Variants in RBFOX1 observed in about 807,000 individuals in gnomAD.
RBFOX1 encodes RNA binding protein fox-1 homolog 1.
Under a neutral mutation model 57.7 loss-of-function variants are expected in RBFOX1, and 8 were observed. The observed-to-expected ratio is 0.14, with a 90% CI of 0.08 to 0.25. The LOEUF (loss-of-function observed/expected upper bound fraction) is 0.25. Among genes scored for constraint, RBFOX1 ranks in the 10% least tolerant of loss-of-function variants. RBFOX1 has a pLI of 1.00. For missense variants in RBFOX1, 611 were observed against 548.5 expected, an observed-to-expected ratio of 1.11 and a Z score of -1.14; for synonymous variants, 326 against 222.4, an observed-to-expected ratio of 1.47 and a Z score of -4.15.
At chr16:7,573,510 C>T (rs539824306) in intron 5 of RBFOX1, among the ~76,000 whole-genome samples, 9 of 152,232 alleles carry the variant, frequency 5.9e-5, no homozygotes, top group Admixed American at 2.0e-4. Flanking sequence ...TGGTAATGTC[C>T]ATTCAGGTAG....
chr16:5,253,502 T>A (rs2062508144), intron 1 of RBFOX1, among the ~76,000 whole-genome samples: 1 of 152,160 alleles, frequency 6.6e-6, no homozygotes, highest in African/African-American at 2.4e-5. Flanking sequence ...CATCTAGGAC[T>A]CTGTCCTGGG....
chr16:7,526,683 T>C (rs1824300941), intron 5 of RBFOX1, among the ~76,000 whole-genome samples: 1 of 152,168 alleles, frequency 6.6e-6, no homozygotes, highest in African/African-American at 2.4e-5. Context: ...CAGGAAAAAG[T>C]CTCAAAAATC....
intron 3 of RBFOX1, among the ~76,000 whole-genome samples, chr16:5,641,753 G>T (rs1361324270): frequency 6.6e-6 from 1 of 152,164 alleles, no homozygotes; most frequent in Non-Finnish European, 1.5e-5. Context: ...TAAAGGCAGG[G>T]GGTCAGTTCT....
At chr16:6,824,162 T>G (rs1048322663) in intron 3 of RBFOX1, among the ~76,000 whole-genome samples, 3 of 152,218 alleles carry the variant, frequency 2.0e-5, no homozygotes, top group Non-Finnish European at 4.4e-5. Context: ...CCCAGCACTT[T>G]GGGAGGCCAG....
chr16:7,396,116 G>T (rs1003328096), intron 4 of RBFOX1, among the ~76,000 whole-genome samples: 2 of 152,048 alleles, frequency 1.3e-5, no homozygotes, highest in African/African-American at 4.8e-5. Context: ...AGGGGATTGA[G>T]GGCTGTTCTT....
At chr16:5,462,531 A>G (rs916093773) in intron 1 of RBFOX1, among the ~76,000 whole-genome samples, 2 of 152,176 alleles carry the variant, frequency 1.3e-5, no homozygotes, top group Admixed American at 1.3e-4. Flanking sequence ...AGGATACACA[A>G]TAACTCAAGT....
chr16:5,642,635 C>G (rs541192689), intron 3 of RBFOX1, among the ~76,000 whole-genome samples: 2 of 152,290 alleles, frequency 1.3e-5, no homozygotes, highest in South Asian at 2.1e-4. Flanking sequence ...GCCACCCAGC[C>G]TCATGTCCTC....
intron 2 of RBFOX1, among the ~76,000 whole-genome samples, chr16:5,538,647 CAG>C (rs2044802452): frequency 2.8e-5 from 4 of 144,652 alleles, no homozygotes; most frequent in Middle Eastern, 3.6e-3. Context: ...TTTTTTAAGA[CAG>C]AGTCTTACCC....
At chr16:7,145,094 T>C (rs939912634) in intron 4 of RBFOX1, among the ~76,000 whole-genome samples, 2 of 152,196 alleles carry the variant, frequency 1.3e-5, no homozygotes, top group African/African-American at 4.8e-5. Context: ...TTGACAGTGA[T>C]CCCTTTCCAG....
intron 2 of RBFOX1, among the ~76,000 whole-genome samples, chr16:6,345,891 C>T (rs1194217184): frequency 3.9e-5 from 6 of 152,154 alleles, no homozygotes; most frequent in Non-Finnish European, 7.3e-5. Context: ...TCAATCAATA[C>T]ATGTAAGAAA....
chr16:7,703,143 G>T lies in RBFOX1; in HGVS notation c.996-5913G>T, dbSNP rs185516112. On this transcript the variant is annotated intron_variant, in intron 14 of 15. Transcript: ENST00000550418. ...TTGGTGCCCTGTTGCTATGCTGTAC[G>T]GTAAGTGTGCGACTTGCATGGATTC... Among the ~76,000 whole-genome samples the T allele has an allele frequency of 5.3e-5, 8 of 152,304 alleles. No homozygotes were observed. In the East Asian group the frequency reaches 5.8e-4, roughly 11 times the overall value.
At chr16:6,556,803 T>C (rs945690747) in intron 2 of RBFOX1, among the ~76,000 whole-genome samples, 1 of 152,010 alleles carries the variant, frequency 6.6e-6, no homozygotes, top group Admixed American at 6.6e-5. Flanking sequence ...AAGAGGCTCA[T>C]GTGACTGCAG....
chr16:7,695,048 G>T (rs77574599), intron 14 of RBFOX1, among the ~76,000 whole-genome samples: 1 of 152,190 alleles, frequency 6.6e-6, no homozygotes. Flanking sequence ...GACAGAAAAT[G>T]AAAGTTTGCA....
At chr16:6,148,275 C>T (rs1267006880) in intron 1 of RBFOX1, among the ~76,000 whole-genome samples, 2 of 152,178 alleles carry the variant, frequency 1.3e-5, no homozygotes, top group Admixed American at 6.5e-5. Context: ...TGCAGTGAGC[C>T]AAGATAGCGC....
intron 1 of RBFOX1, among the ~76,000 whole-genome samples, chr16:6,185,719 C>G (rs1432807474): frequency 1.3e-5 from 2 of 152,184 alleles, no homozygotes; most frequent in African/African-American, 2.4e-5. Flanking sequence ...AGAAATAAAA[C>G]TTGGAGAAAG....
intron 3 of RBFOX1, among the ~76,000 whole-genome samples, chr16:6,706,325 C>T (rs921627244): frequency 5.3e-5 from 8 of 152,126 alleles, no homozygotes; most frequent in Non-Finnish European, 1.0e-4. Flanking sequence ...AAAATGGAGT[C>T]ATTGCAACTC....
intron 4 of RBFOX1, among the ~76,000 whole-genome samples, chr16:7,241,693 G>T (rs370338206): frequency 2.0e-5 from 3 of 152,078 alleles, no homozygotes; most frequent in South Asian, 2.1e-4. Flanking sequence ...ACATCTGGAT[G>T]ACAAATGTGA....
chr16:6,590,399 A>G (rs1394450524), intron 2 of RBFOX1, among the ~76,000 whole-genome samples: 4 of 152,182 alleles, frequency 2.6e-5, no homozygotes, highest in South Asian at 4.2e-4. Flanking sequence ...CTTCCTTTCA[A>G]TCAAAAGCTA....
At chr16:6,632,663 A>C (rs1395595903) in intron 2 of RBFOX1, among the ~76,000 whole-genome samples, 1 of 152,188 alleles carries the variant, frequency 6.6e-6, no homozygotes, top group Non-Finnish European at 1.5e-5. Flanking sequence ...ACTGGGCCTG[A>C]CTGATATCCG....
Sources: allele counts gnomAD v4.1 joint callset (sites outside exome capture counted in the v4.1 genomes callset), GRCh38; gene constraint gnomAD v4.1.1; transcripts MANE v1.5; gene names NCBI Gene and HGNC (gene_info 2026-07-23, HGNC 2026-07-21).